Variants in SCARB2 observed in about 807,000 individuals in gnomAD.
SCARB2 encodes the protein lysosome membrane protein 2.
In SCARB2, 29 loss-of-function variants were observed where a neutral mutation model predicts 58.6. The observed-to-expected ratio is 0.49, with a 90% CI of 0.37 to 0.67. SCARB2 has a LOEUF of 0.67. Among genes scored for constraint, SCARB2 ranks in the 30% least tolerant of loss-of-function variants. The pLI is 0.00. For missense variants in SCARB2, 488 were observed against 578.5 expected, an observed-to-expected ratio of 0.84 and a Z score of 1.60; for synonymous variants, 195 against 210.1, an observed-to-expected ratio of 0.93 and a Z score of 0.62.
At chr4:76,198,841 A>AGTGAGTGTGTGT (rs1259886166) in intron 1 of SCARB2, among the ~76,000 whole-genome samples, 20 of 141,010 alleles carry the variant, frequency 1.4e-4, no homozygotes, top group African/African-American at 5.1e-4. Flanking sequence ...AGAGTGAGTG[A>AGTGAGTGTGTGT]GTGTGTGTGT....
chr4:76,167,948 G>GA (rs1182482454), intron 9 of SCARB2, among the ~76,000 whole-genome samples: 1 of 151,906 alleles, frequency 6.6e-6, no homozygotes, highest in African/African-American at 2.4e-5. Flanking sequence ...CCAAAGTGCT[G>GA]GATTACAGGC....
At position 76,174,192 on chromosome 4, in the gene SCARB2, C is replaced by T. The variant is rs1183973276; in HGVS notation, c.946G>A (p.Gly316Arg). The T allele has an allele frequency of 1.2e-6, 2 of 1,613,978 alleles. No individual in the cohort carries two copies. Among genetic ancestry groups the T allele is most frequent in the Non-Finnish European group, 1.7e-6 (2 of 1,180,050 alleles). ...AGAACTCCTGAGCCCAGGCAGTTTC[C>T]CTCAGGTATACAGAAGCCGGCATTG... The part of the protein sequence containing the change: ...SDNAGFCIPE[G>R]NCLGSGVLNV... The change falls in exon 7 of 12, where the codon GGA becomes AGA. Residue 316 changes from glycine to arginine, a missense_variant. Physicochemically the swap from Gly to Arg is moderately radical, Grantham distance 125. Coordinates refer to ENST00000264896, the MANE Select transcript of SCARB2 (RefSeq NM_005506.4).
intron 1 of SCARB2, among the ~76,000 whole-genome samples, chr4:76,225,182 C>T (rs1363189060): frequency 2.0e-5 from 3 of 152,172 alleles, no homozygotes; most frequent in Non-Finnish European, 2.9e-5. Context: ...TCTTTATCCA[C>T]TCGCACTCGT....
chr4:76,159,193 G>A lies in SCARB2; in HGVS notation c.*2520C>T, dbSNP rs566805350. 6.6e-6 allele frequency: 1 copy of A among 152,190 alleles called. No individual in the cohort carries two copies. Among genetic ancestry groups the A allele is most frequent in the Non-Finnish European group, 1.5e-5 (1 of 68,040 alleles). The allele number at this position is 152,190 out of a possible 1,614,324, so 9.4% of individuals were successfully genotyped here. On this transcript the variant is annotated 3_prime_UTR_variant, in exon 12 of 12. Transcript: ENST00000264896. ...CTTCCTCTCTAAGTTGAGGATCATG[G>A]TACCAGAAGCTTGCATTCTGTGATC...
Position 76,187,415 on chromosome 4 carries a change from TGAG to T in SCARB2, c.276-6317_276-6315del, listed in dbSNP as rs1732510010. On this transcript the variant is annotated intron_variant, in intron 2 of 11. Coordinates refer to ENST00000264896, the MANE Select transcript of SCARB2 (RefSeq NM_005506.4). ...TGGAAACACAACTGGCTGGCAAACA[TGAG>T]GAGAACATTCAACCCACGAGGTAAC... Among the ~76,000 whole-genome samples the T allele has an allele frequency of 2.0e-5, 3 of 151,926 alleles. No individual in the cohort carries two copies. The South Asian group carries it at 6.2e-4, about 32-fold the overall frequency.
At chr4:76,216,604 A>C (rs1414672457), upstream of SCARB2, among the ~76,000 whole-genome samples, 12 of 152,204 alleles carry the variant, frequency 7.9e-5, no homozygotes, top group Admixed American at 7.9e-4. Context: ...AATTTGATAA[A>C]TGTATCTTAG....
chr4:76,220,880 G>C (rs1733294139), intron 1 of SCARB2, among the ~76,000 whole-genome samples: 1 of 152,174 alleles, frequency 6.6e-6, no homozygotes, highest in African/African-American at 2.4e-5. Context: ...GTGCTCACCT[G>C]GGATCAGCTG....
chr4:76,186,318 G>A (rs547625902), intron 2 of SCARB2, among the ~76,000 whole-genome samples: 1 of 152,284 alleles, frequency 6.6e-6, no homozygotes, highest in South Asian at 2.1e-4. Context: ...TCCCATGTGG[G>A]GAGTGAGAAA....
chr4:76,170,917 G>A (rs1357648731), intron 7 of SCARB2, among the ~76,000 whole-genome samples: 1 of 144,562 alleles, frequency 6.9e-6, no homozygotes, highest in Non-Finnish European at 1.5e-5. Context: ...TTCATTTTAA[G>A]AACCAAATAA....
At chr4:76,181,127 T>G in intron 2 of SCARB2, 26 bp from the exon 3 acceptor site, 1 of 1,608,984 alleles carries the variant, frequency 6.2e-7, no homozygotes, top group Non-Finnish European at 8.5e-7. Context: ...GGGTTTTATT[T>G]GAAAATAGAC....
chr4:76,213,471 C>A lies in SCARB2; in HGVS notation c.73G>T (p.Val25Leu). ...ACAGCCTTCTGGAAGACCCGGGCCA[C>A]CAGCAGCGTGACGCTGGTCACCAGC... ...LLLVTSVTLL[V>L]ARVFQKAVDQ... Residue 25 changes from valine (V) to leucine (L), a missense_variant, in exon 1 of 12, where the codon GTG becomes TTG. Transcript: ENST00000264896. 1 of 1,610,964 alleles carries A rather than the reference C, an allele frequency of 6.2e-7. No individual in the cohort carries two copies. The highest frequency in any genetic ancestry group is 1.1e-5 in the South Asian group (1 of 90,384).
chr4:76,168,783 C>T (rs1311311114), intron 8 of SCARB2, among the ~76,000 whole-genome samples: 1 of 152,216 alleles, frequency 6.6e-6, no homozygotes, highest in African/African-American at 2.4e-5. Context: ...TGCTGCCACT[C>T]TGAATAGCAC....
At position 76,195,827 on chromosome 4, in the gene SCARB2, G is replaced by T. The variant is rs763291527; in HGVS notation, c.155C>A (p.Ser52Tyr). The change falls in exon 2 of 12, where the codon TCC becomes TAC. Residue 52 changes from serine (S) to tyrosine (Y), a missense_variant. Transcript: ENST00000264896. ...VLRNGTEAFD[S>Y]WEKPPLPVYT... ...CACAGGCAGAGGGGGCTTCTCCCAG[G>T]AGTCAAATGCCTCAGTACCATTCCT... 6.2e-7 allele frequency: 1 copy of T among 1,613,838 alleles called. No individual in the cohort carries two copies. The highest frequency in any genetic ancestry group is 2.2e-5 in the East Asian group (1 of 44,888).
chr4:76,228,931 C>CT (rs1482864094), intron 1 of SCARB2, among the ~76,000 whole-genome samples: 1 of 20,350 alleles, frequency 4.9e-5, no homozygotes, highest in Non-Finnish European at 2.0e-3. Flanking sequence ...AAATAAATTT[C>CT]CCAACTTTTA....
rs754671016 is a variant in SCARB2, at chr4:76,179,640, A to C, written c.489T>G (p.Tyr163Ter). Residue 163 changes from tyrosine to a stop codon, truncating the protein, a stop_gained, in exon 4 of 12, where the codon TAT becomes TAG. Transcript: ENST00000264896. LOFTEE classifies it high-confidence loss of function. ...REIIEAMLKA[Y>*]QQKLFVTHTV... is the part of the protein sequence containing the mutation. Reference sequence around the variant, plus strand: ...TGTGAGTCACAAAGAGCTTCTGCTGATAGGCTTTCAACATGGCCTCGATGA... The same window carrying C: ...TGTGAGTCACAAAGAGCTTCTGCTGCTAGGCTTTCAACATGGCCTCGATGA... The C allele has an allele frequency of 6.2e-7, 1 of 1,614,010 alleles. No individual in the cohort carries two copies. Among genetic ancestry groups the C allele is most frequent in the Non-Finnish European group, 8.5e-7 (1 of 1,179,984 alleles).
chr4:76,224,514 A>T (rs1733362150), intron 1 of SCARB2, among the ~76,000 whole-genome samples: 1 of 152,198 alleles, frequency 6.6e-6, no homozygotes, highest in Admixed American at 6.5e-5. Context: ...GAAGATGTTC[A>T]TACATCTTAA....
chr4:76,166,338 C>A (rs1476590049), intron 9 of SCARB2, 37 bp from the exon 10 acceptor site: 1 of 1,593,916 alleles, frequency 6.3e-7, no homozygotes, highest in Admixed American at 1.7e-5. Context: ...TCAGAAACAT[C>A]CTCATCACAA....
Position 76,187,925 on chromosome 4 carries a change from A to G in SCARB2, c.276-6824T>C, listed in dbSNP as rs1732522360. Among the ~76,000 whole-genome samples, 4 of 152,146 alleles carry G rather than the reference A, an allele frequency of 2.6e-5. No homozygotes were observed. The South Asian group carries it at 8.3e-4, about 31-fold the overall frequency. On this transcript the variant is annotated intron_variant, in intron 2 of 11. Coordinates refer to ENST00000264896, the MANE Select transcript of SCARB2 (RefSeq NM_005506.4). ...GAAAATCCAGTATTACTTGTTATCA[A>G]TGAATAATAAAATAACTTAAGATCT... is the stretch of plus-strand genomic sequence containing the variant.
At chr4:76,195,676 T>C (rs1407437513) in intron 2 of SCARB2, 31 bp downstream of exon 2, 1 of 1,606,760 alleles carries the variant, frequency 6.2e-7, no homozygotes, top group Non-Finnish European at 8.5e-7. Context: ...ACTCTGTATT[T>C]CTTTCAAGAC....
Sources: gnomAD v4.1 joint callset for allele counts (sites outside exome capture counted in the v4.1 genomes callset) on GRCh38, gnomAD v4.1.1 for gene constraint, MANE v1.5 for transcripts, NCBI Gene and HGNC (gene_info 2026-07-23, HGNC 2026-07-21) for gene names.